The following LRFN5 variants were observed in gnomAD, a reference collection of about 807,000 sequenced individuals.
LRFN5 encodes leucine rich repeat and fibronectin type III domain containing 5.
LRFN5 carries 24 observed loss-of-function variants against 45.6 expected under a neutral mutation model. That is an observed-to-expected ratio of 0.53 (90% CI 0.38 to 0.74). The LOEUF (loss-of-function observed/expected upper bound fraction) is 0.74. Ranked by LOEUF, LRFN5 falls within the 30% of genes least tolerant of loss-of-function variation. LRFN5 has a pLI of 0.00. For missense variants in LRFN5, 776 were observed against 861.5 expected (o/e 0.90, Z 1.24); for synonymous variants, 340 against 313.8 (o/e 1.08, Z -0.88).
At chr14:41,801,652 T>C (rs17112274) in intron 2 of LRFN5, among the ~76,000 whole-genome samples, 4,133 of 152,282 alleles carry the variant, frequency 0.027, 106 homozygotes, top group African/African-American at 0.069. Context: ...CAGCCTGTGC[T>C]CATTATCCCA....
At chr14:41,630,954 G>T (rs1014791472) in intron 1 of LRFN5, among the ~76,000 whole-genome samples, 3 of 152,046 alleles carry the variant, frequency 2.0e-5, no homozygotes, top group African/African-American at 7.2e-5. Context: ...GGTGAATTAG[G>T]TTGGAATGGC....
chr14:41,607,304 G>GA lies in LRFN5; in HGVS notation c.-1446dup, dbSNP rs34250486. On this transcript the variant is annotated 5_prime_UTR_variant, in exon 1 of 6. Coordinates refer to ENST00000298119, the MANE Select transcript of LRFN5 (RefSeq NM_152447.5). ...CCATTTTGCACGGTCCGTTATATCA[G>GA]AAAAAAAAAGCGCAACTGGACGGGG... Among the ~76,000 whole-genome samples, 9 of 150,880 alleles carry GA rather than the reference G, an allele frequency of 6.0e-5. No homozygotes were observed. The highest frequency in any genetic ancestry group is 2.0e-4 in the East Asian group (1 of 5,062).
intron 2 of LRFN5, among the ~76,000 whole-genome samples, chr14:41,780,803 C>T (rs1886454700): frequency 6.6e-6 from 1 of 150,714 alleles, no homozygotes; most frequent in Non-Finnish European, 1.5e-5. Flanking sequence ...TATATGATTC[C>T]ACCTTCTCTC....
intron 1 of LRFN5, among the ~76,000 whole-genome samples, chr14:41,675,316 GA>G (rs1316276535): frequency 1.3e-5 from 2 of 152,228 alleles, no homozygotes; most frequent in Non-Finnish European, 2.9e-5. Flanking sequence ...GGGCACCATT[GA>G]GCACTGAGTG....
intron 1 of LRFN5, among the ~76,000 whole-genome samples, chr14:41,704,446 C>CTGTGTGTGTGTGTGTG (rs1233748767): frequency 9.5e-5 from 12 of 126,948 alleles, no homozygotes; most frequent in African/African-American, 1.8e-4. Context: ...CTCTCTCTCT[C>CTGTGTGTGTGTGTGTG]TCTGTGTGTG....
intron 1 of LRFN5, among the ~76,000 whole-genome samples, chr14:41,638,169 C>T (rs1879392502): frequency 6.6e-6 from 1 of 151,956 alleles, no homozygotes; most frequent in African/African-American, 2.4e-5. Context: ...AAATTATGTA[C>T]CCTGAAGACC....
intron 1 of LRFN5, among the ~76,000 whole-genome samples, chr14:41,686,813 C>T (rs1274549316): frequency 1.3e-5 from 2 of 152,106 alleles, no homozygotes; most frequent in African/African-American, 4.8e-5. Flanking sequence ...ATGAAGCTGA[C>T]TTGATCATGG....
chr14:41,759,222 C>A (rs527766772), intron 1 of LRFN5, among the ~76,000 whole-genome samples: 2 of 152,254 alleles, frequency 1.3e-5, no homozygotes, highest in African/African-American at 4.8e-5. Flanking sequence ...ATTTCTCACA[C>A]CCATATTGCT....
chr14:41,615,372 T>A (rs1418044726), intron 1 of LRFN5, among the ~76,000 whole-genome samples: 1 of 152,196 alleles, frequency 6.6e-6, no homozygotes, highest in Non-Finnish European at 1.5e-5. Context: ...GTACTTCTAG[T>A]GTTTGCACTG....
chr14:41,759,255 C>G (rs12435558), intron 1 of LRFN5, among the ~76,000 whole-genome samples: 1 of 151,986 alleles, frequency 6.6e-6, no homozygotes, highest in Non-Finnish European at 1.5e-5. Flanking sequence ...TGCAGTTCTT[C>G]GAAACTCCCA....
chr14:41,891,437 T>G lies in LRFN5; in HGVS notation c.1573T>G (p.Leu525Val). The stretch of plus-strand genomic sequence containing the variant: ...TTGCCATTTCATGCAGTCTCAGTTT[T>G]TGGGAGGCACCATGATTATTATTAT... ...VRCHFMQSQF[L>V]GGTMIIIIGG... The change falls in exon 4 of 6, where the codon TTG becomes GTG. Residue 525 changes from leucine to valine, a missense_variant. Around this residue, in one of 2 missense-constraint regions of LRFN5, gnomAD observed 465 missense variants for 456.4 expected, o/e 1.02. Transcript: ENST00000298119. 1 of 1,614,124 alleles carries G rather than the reference T, an allele frequency of 6.2e-7. No individual in the cohort carries two copies. Among genetic ancestry groups the G allele is most frequent in the East Asian group, 2.2e-5 (1 of 44,866 alleles).
chr14:41,730,904 A>G (rs764992583), intron 1 of LRFN5, among the ~76,000 whole-genome samples: 2 of 151,982 alleles, frequency 1.3e-5, no homozygotes, highest in African/African-American at 4.8e-5. Context: ...ATGCCTGTAT[A>G]TGTTAATTGA....
intron 5 of LRFN5, among the ~76,000 whole-genome samples, chr14:41,901,776 T>TA (rs1411052329): frequency 1.3e-5 from 2 of 151,972 alleles, no homozygotes; most frequent in Non-Finnish European, 2.9e-5. Context: ...ATGATGCAAA[T>TA]ATGCTTCCAA....
chr14:41,835,420 T>A (rs749757770), intron 2 of LRFN5, among the ~76,000 whole-genome samples: 3 of 152,248 alleles, frequency 2.0e-5, no homozygotes, highest in Non-Finnish European at 2.9e-5. Context: ...TTTGAGCAGA[T>A]GCTTATGTTT....
In LRFN5 at chr14:41,904,363, C is replaced by T. The variant is rs1397512676; in HGVS notation, c.*188C>T. On this transcript the variant is annotated 3_prime_UTR_variant, in exon 6 of 6. Coordinates refer to ENST00000298119, the MANE Select transcript of LRFN5 (RefSeq NM_152447.5). The stretch of plus-strand genomic sequence containing the variant: ...TGGCTCCATTAGACCATGGTTCATC[C>T]TCTTTTAAAACCAAATTTTTTTTTC... The T allele has an allele frequency of 5.1e-6, 3 of 592,344 alleles. No individual in the cohort carries two copies. The highest frequency in any genetic ancestry group is 8.2e-6 in the Non-Finnish European group (3 of 364,142). 36.7% of individuals were successfully genotyped at this position (592,344 alleles called of 1,614,324 possible).
At chr14:41,715,209 C>T (rs1009261707) in intron 1 of LRFN5, among the ~76,000 whole-genome samples, 8 of 152,126 alleles carry the variant, frequency 5.3e-5, no homozygotes, top group African/African-American at 1.9e-4. Flanking sequence ...GACTGCATTA[C>T]CATTTTGAAA....
intron 1 of LRFN5, among the ~76,000 whole-genome samples, chr14:41,726,055 A>G (rs1216836344): frequency 1.3e-5 from 2 of 152,168 alleles, no homozygotes; most frequent in Non-Finnish European, 2.9e-5. Context: ...CTAAGCATAG[A>G]GTATCAAGTA....
At chr14:41,813,671 A>G (rs1887816527) in intron 2 of LRFN5, among the ~76,000 whole-genome samples, 1 of 152,126 alleles carries the variant, frequency 6.6e-6, no homozygotes, top group Admixed American at 6.6e-5. Context: ...GTGTGTCTTT[A>G]CAGTAGAATG....
intron 3 of LRFN5, among the ~76,000 whole-genome samples, chr14:41,889,244 A>G (rs1890697061): frequency 6.6e-6 from 1 of 151,622 alleles, no homozygotes; most frequent in Non-Finnish European, 1.5e-5. Context: ...TTTTTTTTAA[A>G]GCATGGACTA....
Sources: allele counts gnomAD v4.1 joint callset (sites outside exome capture counted in the v4.1 genomes callset), GRCh38; gene constraint gnomAD v4.1.1; regional missense constraint gnomAD v4.1.1; transcripts MANE v1.5; gene names NCBI Gene and HGNC (gene_info 2026-07-23, HGNC 2026-07-21).